SLC1A2: variants seen among roughly 807,000 people sequenced by gnomAD.
The protein encoded by SLC1A2 is excitatory amino acid transporter 2.
SLC1A2 carries 15 observed loss-of-function variants against 48.8 expected under a neutral mutation model. That is an observed-to-expected ratio of 0.31 (90% CI 0.21 to 0.47). The LOEUF is 0.47. Ranked by LOEUF, SLC1A2 falls within the 20% of genes least tolerant of loss-of-function variation. The pLI is 0.99. For synonymous variants in SLC1A2, 279 were observed against 272.6 expected (o/e 1.02, Z -0.23); for missense variants, 502 against 730.5 (o/e 0.69, Z 3.61).
At chr11:35,335,423 G>C (rs1015530579) in intron 1 of SLC1A2, among the ~76,000 whole-genome samples, 2 of 152,124 alleles carry the variant, frequency 1.3e-5, no homozygotes, top group South Asian at 4.1e-4. Context: ...ATGAAGTCAC[G>C]GGGAACAAAT....
chr11:35,301,369 A>G, intron 6 of SLC1A2, 150 bp downstream of exon 6: 1 of 669,976 alleles, frequency 1.5e-6, no homozygotes. Context: ...AGCTCCAAAA[A>G]AGATATTTTC....
intron 1 of SLC1A2, among the ~76,000 whole-genome samples, chr11:35,403,148 T>G (rs567869240): frequency 6.6e-6 from 1 of 152,348 alleles, no homozygotes; most frequent in South Asian, 2.1e-4. Flanking sequence ...GCCGAACGCT[T>G]CACACACATC....
At chr11:35,273,700 A>T (rs1201424949) in intron 9 of SLC1A2, among the ~76,000 whole-genome samples, 1 of 152,166 alleles carries the variant, frequency 6.6e-6, no homozygotes, top group Admixed American at 6.5e-5. Flanking sequence ...CCATTACTAG[A>T]CTATAAGCTC....
chr11:35,412,165 C>A (rs58090211), intron 1 of SLC1A2, among the ~76,000 whole-genome samples: 12,820 of 151,372 alleles, frequency 0.085, 1,282 homozygotes, highest in African/African-American at 0.24. Context: ...ACAAAAAAAA[C>A]CTAAAAACTC....
chr11:35,388,074 T>C (rs1462226734), intron 1 of SLC1A2, among the ~76,000 whole-genome samples: 1 of 152,242 alleles, frequency 6.6e-6, no homozygotes, highest in African/African-American at 2.4e-5. Context: ...AGGCAGAATT[T>C]ATACCCAAGT....
chr11:35,251,481 T>C lies in SLC1A2; in HGVS notation c.*9413A>G, dbSNP rs1409245563. 2 of 152,714 alleles carry C rather than the reference T, an allele frequency of 1.3e-5. No individual in the cohort carries two copies. Among genetic ancestry groups the C allele is most frequent in the East Asian group, 3.9e-4 (2 of 5,188 alleles). 9.5% of individuals were successfully genotyped at this position (152,714 alleles called of 1,614,324 possible). A position where few individuals can be genotyped will look rare whatever the true frequency, so the allele number is the denominator to read the frequency against. ...AAAATTAGTTGAAGATTTTATCTTTTTGCATTCATTAGTCTTTAAACACTA... is the reference window on the plus strand; with the variant it reads ...AAAATTAGTTGAAGATTTTATCTTTCTGCATTCATTAGTCTTTAAACACTA... On this transcript the variant is annotated 3_prime_UTR_variant, in exon 11 of 11. Coordinates refer to ENST00000278379, the MANE Select transcript of SLC1A2 (RefSeq NM_004171.4).
At chr11:35,377,994 A>G (rs1178632698) in intron 1 of SLC1A2, among the ~76,000 whole-genome samples, 1 of 152,258 alleles carries the variant, frequency 6.6e-6, no homozygotes, top group East Asian at 1.9e-4. Flanking sequence ...TGGAAGCAAC[A>G]TTGTGCAGGA....
chr11:35,286,663 C>G, intron 8 of SLC1A2, 94 bp downstream of exon 8: 1 of 846,354 alleles, frequency 1.2e-6, no homozygotes, highest in Non-Finnish European at 1.8e-6. Context: ...CTTCCACCAG[C>G]AGAAATGAAA....
At chr11:35,263,468 T>A (rs555210974) in intron 10 of SLC1A2, among the ~76,000 whole-genome samples, 18 of 151,906 alleles carry the variant, frequency 1.2e-4, no homozygotes, top group Admixed American at 7.2e-4. Flanking sequence ...AACTCCGTCT[T>A]AAAAAAAAGA....
At chr11:35,394,381 GAC>G (rs1590268817) in intron 1 of SLC1A2, among the ~76,000 whole-genome samples, 1 of 152,006 alleles carries the variant, frequency 6.6e-6, no homozygotes, top group East Asian at 1.9e-4. Flanking sequence ...CAGATGGGGG[GAC>G]ACACCAATTT....
intron 1 of SLC1A2, among the ~76,000 whole-genome samples, chr11:35,401,764 T>C (rs1226292960): frequency 6.6e-6 from 1 of 152,176 alleles, no homozygotes; most frequent in Non-Finnish European, 1.5e-5. Context: ...CACATGTTTC[T>C]CAAACTCATC....
intron 9 of SLC1A2, 199 bp downstream of exon 9, chr11:35,280,668 T>A: frequency 1.9e-6 from 1 of 527,434 alleles, no homozygotes; most frequent in East Asian, 3.1e-5. Context: ...TCCACTAGAC[T>A]GTGACGCCTT....
intron 2 of SLC1A2, chr11:35,315,929 T>A (rs1360013428): frequency 6.6e-6 from 1 of 152,238 alleles, no homozygotes; most frequent in Non-Finnish European, 1.5e-5. Context: ...TGTCTTCTCA[T>A]TGTAACTGGA....
intron 1 of SLC1A2, among the ~76,000 whole-genome samples, chr11:35,386,346 GA>G (rs914912210): frequency 1.3e-5 from 2 of 149,936 alleles, no homozygotes; most frequent in Middle Eastern, 3.4e-3. Context: ...TATTGTGCCA[GA>G]AAAAAAAAGA....
At chr11:35,281,060 C>A in intron 8 of SLC1A2, 59 bp from the exon 9 acceptor site, 6 of 1,475,326 alleles carry the variant, frequency 4.1e-6, no homozygotes, top group Non-Finnish European at 5.4e-6. Flanking sequence ...AAAACCAACC[C>A]TGGCAATTTT....
At chr11:35,274,582 T>C (rs560380949) in intron 9 of SLC1A2, among the ~76,000 whole-genome samples, 1 of 152,030 alleles carries the variant, frequency 6.6e-6, no homozygotes, top group African/African-American at 2.4e-5. Flanking sequence ...TGTGTGTGCA[T>C]GTGCATGTGT....
chr11:35,416,408 T>G (rs1406234729), intron 1 of SLC1A2, among the ~76,000 whole-genome samples: 1 of 152,242 alleles, frequency 6.6e-6, no homozygotes. Context: ...CTATTTTTGT[T>G]GGACTGCCTA....
intron 1 of SLC1A2, among the ~76,000 whole-genome samples, chr11:35,370,684 C>A (rs1002389997): frequency 6.6e-6 from 1 of 151,878 alleles, no homozygotes; most frequent in Non-Finnish European, 1.5e-5. Flanking sequence ...GGGCTCAGTG[C>A]GGGGAATGAG....
chr11:35,313,326 TC>T (rs1391327256), intron 3 of SLC1A2, among the ~76,000 whole-genome samples: 1 of 152,154 alleles, frequency 6.6e-6, no homozygotes, highest in African/African-American at 2.4e-5. Flanking sequence ...AGATCCACAT[TC>T]CCAGCCTCAT....
Sources: gnomAD v4.1 joint callset for allele counts (sites outside exome capture counted in the v4.1 genomes callset) on GRCh38, gnomAD v4.1.1 for gene constraint, MANE v1.5 for transcripts, NCBI Gene and HGNC (gene_info 2026-07-23, HGNC 2026-07-21) for gene names.